Variants in PRRX2 observed in about 807,000 individuals in gnomAD.
PRRX2 encodes paired related homeobox 2.
In PRRX2, 11 loss-of-function variants were observed where a neutral mutation model predicts 18.0. That is an observed-to-expected ratio of 0.61 (90% CI 0.39 to 1.01). The LOEUF is 1.01. Ranked by LOEUF, PRRX2 falls within the 50% of genes least tolerant of loss-of-function variation. PRRX2 has a pLI of 0.01. For missense variants in PRRX2, 387 were observed against 351.0 expected, an observed-to-expected ratio of 1.10 and a Z score of -0.82; for synonymous variants, 177 against 154.8, an observed-to-expected ratio of 1.14 and a Z score of -1.06.
chr9:129,680,077 A>G (rs1002567987), intron 1 of PRRX2, among the ~76,000 whole-genome samples: 1 of 152,096 alleles, frequency 6.6e-6, no homozygotes, highest in Non-Finnish European at 1.5e-5. Flanking sequence ...GATTAGCTTT[A>G]CGCCTGCCTC....
intron 1 of PRRX2, among the ~76,000 whole-genome samples, chr9:129,693,019 T>C (rs1254828168): frequency 6.6e-6 from 1 of 152,180 alleles, no homozygotes; most frequent in Non-Finnish European, 1.5e-5. Flanking sequence ...TCGCCAGCAG[T>C]GGATGAGAGT....
intron 1 of PRRX2, among the ~76,000 whole-genome samples, chr9:129,711,534 T>C (rs1455685970): frequency 6.6e-6 from 1 of 151,196 alleles, no homozygotes; most frequent in Non-Finnish European, 1.5e-5. Flanking sequence ...GCCTCCCAAG[T>C]AGCTGGGATT....
chr9:129,692,559 A>G (rs1322253049), intron 1 of PRRX2, among the ~76,000 whole-genome samples: 1 of 152,032 alleles, frequency 6.6e-6, no homozygotes, highest in Non-Finnish European at 1.5e-5. Context: ...CTGCCTCTTC[A>G]TCCGTCCCTC....
At chr9:129,717,039 T>TTTTA (rs560668184) in intron 1 of PRRX2, among the ~76,000 whole-genome samples, 198 of 152,014 alleles carry the variant, frequency 1.3e-3, no homozygotes, top group African/African-American at 3.5e-3. Flanking sequence ...TATTTTTAAA[T>TTTTA]TTTATTTATT....
rs1832149828 is a variant in PRRX2 at position 129,675,271 on chromosome 9, T to C, written c.259+9145T>C. On this transcript the variant is annotated intron_variant, in intron 1 of 3. Coordinates refer to ENST00000372469, the MANE Select transcript of PRRX2 (RefSeq NM_016307.4). The surrounding 1 kb of genome is among the most constrained non-coding windows in gnomAD (Gnocchi z 4.4). Reference sequence around the variant, plus strand: ...AGGAGGAAGTATTTGCTCTCGACCATCCACCAGCATCCATTGAGCACCTAC... The same window carrying C: ...AGGAGGAAGTATTTGCTCTCGACCACCCACCAGCATCCATTGAGCACCTAC... Among the ~76,000 whole-genome samples the C allele has an allele frequency of 6.6e-6, 1 of 152,138 alleles. No individual in the cohort carries two copies. The highest frequency in any genetic ancestry group is 2.4e-5 in the African/African-American group (1 of 41,428).
At chr9:129,722,158 A>C in intron 3 of PRRX2, 59 bp from the exon 4 acceptor site, 1 of 1,579,850 alleles carries the variant, frequency 6.3e-7, no homozygotes, top group Non-Finnish European at 8.6e-7. Context: ...GCTGGGGTCG[A>C]GCACTGATAC....
chr9:129,680,417 G>A (rs13294218), intron 1 of PRRX2, among the ~76,000 whole-genome samples: 12,194 of 121,364 alleles, frequency 0.1, 1,036 homozygotes, highest in African/African-American at 0.15. Flanking sequence ...AAAAAAAAAA[G>A]AAAAGAAAAG....
At position 129,671,342 on chromosome 9, in the gene PRRX2, G is replaced by A. The variant is rs534476527; in HGVS notation, c.259+5216G>A. On this transcript the variant is annotated intron_variant, in intron 1 of 3. Coordinates refer to ENST00000372469, the MANE Select transcript of PRRX2 (RefSeq NM_016307.4). The surrounding 1 kb of genome is among the most constrained non-coding windows in gnomAD (Gnocchi z 4.0). Reference sequence around the variant, plus strand: ...TCTCGGCCTTCTTTTCGCCAGGGAGGGTTGGTTCATTATTTGTGGTTCCAG... The same window carrying A: ...TCTCGGCCTTCTTTTCGCCAGGGAGAGTTGGTTCATTATTTGTGGTTCCAG... Among the ~76,000 whole-genome samples the A allele has an allele frequency of 7.9e-5, 12 of 152,304 alleles. No homozygotes were observed. The South Asian group carries it at 1.9e-3, about 24-fold the overall frequency.
At chr9:129,703,674 AAAG>A (rs1242875397) in intron 1 of PRRX2, among the ~76,000 whole-genome samples, 9 of 152,138 alleles carry the variant, frequency 5.9e-5, no homozygotes, top group African/African-American at 1.7e-4. Context: ...GGAAACCAAA[AAAG>A]AAAAAAAATT....
chr9:129,699,860 C>G (rs1385195178), intron 1 of PRRX2, among the ~76,000 whole-genome samples: 4 of 152,166 alleles, frequency 2.6e-5, no homozygotes, highest in Non-Finnish European at 5.9e-5. Context: ...AGAACTTGGT[C>G]TCTGAGGCAC....
intron 1 of PRRX2, among the ~76,000 whole-genome samples, chr9:129,710,251 C>T (rs906104052): frequency 5.9e-5 from 9 of 152,140 alleles, no homozygotes; most frequent in African/African-American, 1.4e-4. Context: ...GAACAGCGGC[C>T]GGGCAGCCCT....
At chr9:129,682,930 C>T (rs1048866822) in intron 1 of PRRX2, among the ~76,000 whole-genome samples, 8 of 151,642 alleles carry the variant, frequency 5.3e-5, no homozygotes, top group Non-Finnish European at 1.2e-4. Flanking sequence ...CATGGTGAAC[C>T]CCCCCCATCT....
At chr9:129,711,529 C>T (rs1424416055) in intron 1 of PRRX2, among the ~76,000 whole-genome samples, 8 of 151,542 alleles carry the variant, frequency 5.3e-5, no homozygotes, top group Admixed American at 5.3e-4. Flanking sequence ...CCCCAGCCTC[C>T]CAAGTAGCTG....
rs535567000 is a variant in PRRX2, at chr9:129,722,558, C to T, written c.*206C>T. On this transcript the variant is annotated 3_prime_UTR_variant, in exon 4 of 4. Coordinates refer to ENST00000372469, the MANE Select transcript of PRRX2 (RefSeq NM_016307.4). ...CCACCAGAGACTGCAGCCCACAACC[C>T]TTGGAGGGGTTGGGCCGGAAGGTGG... 2 of 473,864 alleles carry T rather than the reference C, an allele frequency of 4.2e-6. No homozygotes were observed. The highest frequency in any genetic ancestry group is 6.7e-6 in the Non-Finnish European group (2 of 296,664). 29.4% of individuals were successfully genotyped at this position (473,864 alleles called of 1,614,324 possible).
chr9:129,673,485 G>A (rs1301066825), intron 1 of PRRX2, among the ~76,000 whole-genome samples: 2 of 151,914 alleles, frequency 1.3e-5, no homozygotes, highest in South Asian at 4.2e-4. Flanking sequence ...ACAAACAAAG[G>A]TTCCCAAAAT....
At chr9:129,672,440 C>G (rs1319114577) in intron 1 of PRRX2, among the ~76,000 whole-genome samples, 1 of 152,184 alleles carries the variant, frequency 6.6e-6, no homozygotes, top group African/African-American at 2.4e-5. Context: ...GTTCCCATTC[C>G]TGTAAGATTC....
rs762929485 is a variant in PRRX2, at chr9:129,715,750, T to TCTCTCTCACACA, written c.260-3480_260-3479insTCTCTCACACAC. Among the ~76,000 whole-genome samples, 1 of 138,862 alleles carries TCTCTCTCACACA rather than the reference T, an allele frequency of 7.2e-6. No individual in the cohort carries two copies. Among genetic ancestry groups the TCTCTCTCACACA allele is most frequent in the Non-Finnish European group, 1.5e-5 (1 of 64,902 alleles). 91.1% of individuals were successfully genotyped at this position (138,862 alleles called of 152,430 possible). On this transcript the variant is annotated intron_variant, in intron 1 of 3. Transcript: ENST00000372469. This position sits in a 1 kb window ranked among gnomAD's most constrained non-coding sequence, Gnocchi z 4.0. ...AAACCCAGCTTCAGGGACATCTTTC[T>TCTCTCTCACACA]CACACACACACACACACACACACAC...
At chr9:129,672,494 C>A (rs1564144222) in intron 1 of PRRX2, among the ~76,000 whole-genome samples, 1 of 152,200 alleles carries the variant, frequency 6.6e-6, no homozygotes, top group Admixed American at 6.5e-5. Flanking sequence ...TCTACCACTG[C>A]CTGAAGCTGC....
chr9:129,691,291 C>T (rs904882928), intron 1 of PRRX2, among the ~76,000 whole-genome samples: 12 of 151,436 alleles, frequency 7.9e-5, no homozygotes, highest in Admixed American at 7.2e-4. Flanking sequence ...GACCCAAGAT[C>T]GCACCATTGC....
Sources: gnomAD v4.1 joint callset for allele counts (sites outside exome capture counted in the v4.1 genomes callset) on GRCh38, gnomAD v4.1.1 for gene constraint, Gnocchi (gnomAD v3.1) non-coding constraint, MANE v1.5 for transcripts, NCBI Gene and HGNC (gene_info 2026-07-23, HGNC 2026-07-21) for gene names.